LMAN2L: variants seen among roughly 807,000 people sequenced by gnomAD.
LMAN2L encodes lectin, mannose binding 2 like.
A neutral mutation model predicts 44.3 loss-of-function variants in LMAN2L; 30 were observed. The observed-to-expected ratio is 0.68, with a 90% CI of 0.51 to 0.92. The LOEUF is 0.92. Among genes scored for constraint, LMAN2L ranks in the 40% least tolerant of loss-of-function variants. The pLI is 0.00. For missense variants in LMAN2L, 429 were observed against 446.1 expected, an observed-to-expected ratio of 0.96 and a Z score of 0.35; for synonymous variants, 183 against 171.1, an observed-to-expected ratio of 1.07 and a Z score of -0.54.
Position 96,707,351 on chromosome 2 carries a change from C to T in LMAN2L, c.952G>A (p.Val318Ile), listed in dbSNP as rs753202545. 9 of 1,613,654 alleles carry T rather than the reference C, an allele frequency of 5.6e-6. 1 individual carries two copies. In the Middle Eastern group the frequency reaches 8.2e-4, roughly 148 times the overall value. The change falls in exon 8 of 8, where the codon GTC (valine) becomes ATC (isoleucine). Residue 318 changes from valine to isoleucine, a missense_variant. By Grantham distance (29) the Val-to-Ile change is conservative (BLOSUM62 3). Coordinates refer to ENST00000264963, the MANE Select transcript of LMAN2L (RefSeq NM_030805.4). ...PLSGLALFLI[V>I]FFSLVFSVFA... Reference sequence around the variant, plus strand: ...ACAGAAAACACCAGGGAGAAAAAGACGATGAGGAAGAGGGCCAGGCCACTC... The same window carrying T: ...ACAGAAAACACCAGGGAGAAAAAGATGATGAGGAAGAGGGCCAGGCCACTC...
chr2:96,739,390 C>T (rs62156216), intron 1 of LMAN2L, among the ~76,000 whole-genome samples: 11,771 of 152,232 alleles, frequency 0.077, 520 homozygotes, highest in Middle Eastern at 0.16. Context: ...CTTTCACCAA[C>T]AGGGCCCCTA....
At chr2:96,735,974 T>G (rs2078506958) in intron 2 of LMAN2L, among the ~76,000 whole-genome samples, 2 of 152,168 alleles carry the variant, frequency 1.3e-5, no homozygotes, top group Non-Finnish European at 2.9e-5. Context: ...ATAGTGCCAC[T>G]GCACTCCAGC....
At position 96,706,637 on chromosome 2, in the gene LMAN2L, T is replaced by G. The variant is rs1190890708; in HGVS notation, c.*619A>C. 1 of 152,338 alleles carries G rather than the reference T, an allele frequency of 6.6e-6. No individual in the cohort carries two copies. Among genetic ancestry groups the G allele is most frequent in the Non-Finnish European group, 1.5e-5 (1 of 68,192 alleles). The allele number at this position is 152,338 out of a possible 1,614,324, so 9.4% of individuals were successfully genotyped here. On this transcript the variant is annotated 3_prime_UTR_variant, in exon 8 of 8. Coordinates refer to ENST00000264963, the MANE Select transcript of LMAN2L (RefSeq NM_030805.4). ...CCTAGGGCCACCTAATGAAGGCCAG[T>G]GAAACGCAGGTGTGTTCTGCAGCCC...
chr2:96,714,353 G>C (rs1232406427), intron 4 of LMAN2L, among the ~76,000 whole-genome samples: 1 of 152,172 alleles, frequency 6.6e-6, no homozygotes, highest in Non-Finnish European at 1.5e-5. Context: ...CACGGCACTG[G>C]GCTCCATGGG....
chr2:96,725,544 G>A (rs1175039787), intron 4 of LMAN2L, among the ~76,000 whole-genome samples: 1 of 150,318 alleles, frequency 6.7e-6, no homozygotes, highest in Non-Finnish European at 1.5e-5. Context: ...CCAGGTTCAC[G>A]CCATTCTCCT....
chr2:96,710,923 G>A lies in LMAN2L; in HGVS notation c.784+733C>T, dbSNP rs375141902. Among the ~76,000 whole-genome samples, 33 of 152,272 alleles carry A rather than the reference G, an allele frequency of 2.2e-4. No individual in the cohort carries two copies. The East Asian group carries it at 5.2e-3, about 24-fold the overall frequency. On this transcript the variant is annotated intron_variant, in intron 6 of 7. Coordinates refer to ENST00000264963, the MANE Select transcript of LMAN2L (RefSeq NM_030805.4). ...AAAAGATGTTATGATTGGGGTTCAAGCAAAGAGAGTAAGTGTATAAACGAG... is the reference window on the plus strand; with the variant it reads ...AAAAGATGTTATGATTGGGGTTCAAACAAAGAGAGTAAGTGTATAAACGAG...
chr2:96,733,168 A>C (rs2078442915), intron 4 of LMAN2L, among the ~76,000 whole-genome samples: 1 of 152,200 alleles, frequency 6.6e-6, no homozygotes, highest in Admixed American at 6.5e-5. Flanking sequence ...GATGGATTAA[A>C]AGTCAGGGGA....
At position 96,707,731 on chromosome 2, in the gene LMAN2L, T is replaced by C. The variant is rs778914632; in HGVS notation, c.887A>G (p.Asn296Ser). ...GTGCTCACTCTCAGGCAGCTTCATA[T>C]TGTCCACTGAGGGCAAGAACACATC... ...HRDVFLPSVD[N>S]MKLPEMTAPL... Residue 296 changes from asparagine to serine, a missense_variant, in exon 7 of 8, where the codon AAT becomes AGT. Transcript: ENST00000264963. The C allele has an allele frequency of 1.9e-6, 3 of 1,614,014 alleles. No homozygotes were observed. Among genetic ancestry groups the C allele is most frequent in the African/African-American group, 1.3e-5 (1 of 74,912 alleles).
At chr2:96,712,163 G>C (rs2077941338) in intron 4 of LMAN2L, 138 bp from the exon 5 acceptor site, 3 of 737,514 alleles carry the variant, frequency 4.1e-6, no homozygotes. Flanking sequence ...ATTGTCAGCA[G>C]CCCCTGAGAG....
intron 2 of LMAN2L, among the ~76,000 whole-genome samples, chr2:96,737,618 A>G (rs957567513): frequency 1.3e-5 from 2 of 152,072 alleles, no homozygotes; most frequent in African/African-American, 4.8e-5. Flanking sequence ...GTGCCACTGC[A>G]CTCTGGTCTT....
In LMAN2L at chr2:96,734,636, C is replaced by T. The variant is rs1439821924; in HGVS notation, c.307-110G>A. 7.0e-6 allele frequency: 5 copies of T among 719,242 alleles called. No homozygotes were observed. In the African/African-American group the frequency reaches 8.7e-5, roughly 13 times the overall value. The allele number at this position is 719,242 out of a possible 1,614,324, so 44.6% of individuals were successfully genotyped here. On this transcript the variant is annotated intron_variant, in intron 2 of 7. Coordinates refer to ENST00000264963, the MANE Select transcript of LMAN2L (RefSeq NM_030805.4). ...AAACACAAATGCAGGTAACACTAGA[C>T]TAAGGGTTAAAACTTAAATCTAAGA...
chr2:96,736,822 C>G (rs2078525704), intron 2 of LMAN2L, among the ~76,000 whole-genome samples: 1 of 152,140 alleles, frequency 6.6e-6, no homozygotes, highest in South Asian at 2.1e-4. Context: ...TGTCCTTTAT[C>G]TCTGCTACGA....
chr2:96,708,704 G>C (rs1434074615), intron 6 of LMAN2L, among the ~76,000 whole-genome samples: 1 of 152,060 alleles, frequency 6.6e-6, no homozygotes, highest in Non-Finnish European at 1.5e-5. Flanking sequence ...GCCATGGGCA[G>C]GGCACAGCTA....
intron 4 of LMAN2L, among the ~76,000 whole-genome samples, chr2:96,713,566 G>A (rs1389985699): frequency 6.6e-6 from 1 of 152,100 alleles, no homozygotes; most frequent in Non-Finnish European, 1.5e-5. Context: ...CTATAGCAAG[G>A]GGAAAGAGGA....
chr2:96,707,894 G>C, intron 6 of LMAN2L, 61 bp from the exon 7 acceptor site: 1 of 1,564,302 alleles, frequency 6.4e-7, no homozygotes, highest in East Asian at 2.2e-5. Flanking sequence ...GTTTCTTGAA[G>C]TCAGTATCTT....
rs140338166 is a variant in LMAN2L at position 96,711,906 on chromosome 2, G to C, written c.627C>G (p.Tyr209Ter). Residue 209 changes from tyrosine to a stop codon, truncating the protein, a stop_gained, in exon 5 of 8, where the codon TAC becomes TAG. Coordinates refer to ENST00000264963, the MANE Select transcript of LMAN2L (RefSeq NM_030805.4). LOFTEE classifies it high-confidence loss of function. ...CGTAGCGAATCACCAGGAAGGTGTC[G>C]TAATGAAGATTGCGGACAATGGCTG... is the stretch of plus-strand genomic sequence containing the variant. The part of the protein sequence containing the change: ...GCTAIVRNLH[Y>*]DTFLVIRYVK... The C allele has an allele frequency of 1.9e-6, 3 of 1,614,074 alleles. No individual in the cohort carries two copies. Among genetic ancestry groups the C allele is most frequent in the African/African-American group, 2.7e-5 (2 of 74,916 alleles).
At chr2:96,725,444 CTT>C (rs998623420) in intron 4 of LMAN2L, among the ~76,000 whole-genome samples, 17 of 135,986 alleles carry the variant, frequency 1.3e-4, no homozygotes, top group Admixed American at 3.7e-4. Flanking sequence ...ATTAAATTTT[CTT>C]TTTTTTTTTT....
intron 4 of LMAN2L, among the ~76,000 whole-genome samples, chr2:96,721,782 AC>A (rs2078162233): frequency 1.3e-5 from 2 of 151,234 alleles, no homozygotes; most frequent in South Asian, 4.2e-4. Context: ...ACCCAGTGAT[AC>A]TTATTTTCAT....
rs551730956 is a variant in LMAN2L, at chr2:96,734,586, C to T, written c.307-60G>A. 73 of 1,070,960 alleles carry T rather than the reference C, an allele frequency of 6.8e-5. No homozygotes were observed. In the African/African-American group the frequency reaches 8.9e-4, roughly 13 times the overall value. The allele number at this position is 1,070,960 out of a possible 1,614,324, so 66.3% of individuals were successfully genotyped here. ...CATGAAATGCAAAACCCCTCAAGCC[C>T]ACATCAGCAATCAACAGACTTGGAA... On this transcript the variant is annotated intron_variant, in intron 2 of 7. Coordinates refer to ENST00000264963, the MANE Select transcript of LMAN2L (RefSeq NM_030805.4).
Sources: allele counts gnomAD v4.1 joint callset (sites outside exome capture counted in the v4.1 genomes callset), GRCh38; gene constraint gnomAD v4.1.1; transcripts MANE v1.5; gene names NCBI Gene and HGNC (gene_info 2026-07-23, HGNC 2026-07-21).